The following NLGN1 variants were observed in gnomAD, a reference collection of about 807,000 sequenced individuals.
NLGN1 encodes the protein neuroligin-1.
A neutral mutation model predicts 65.5 loss-of-function variants in NLGN1; 12 were observed. The ratio of observed to expected loss-of-function variants is 0.18; its 90% CI spans 0.12 to 0.30. The LOEUF (loss-of-function observed/expected upper bound fraction) is 0.30. Ranked by LOEUF, NLGN1 falls within the 10% of genes least tolerant of loss-of-function variation. The pLI, the probability that NLGN1 is intolerant of heterozygous loss-of-function variation, is 1.00. For missense variants in NLGN1, 750 were observed against 1,007.1 expected (o/e 0.74, Z 3.46); for synonymous variants, 350 against 359.5 (o/e 0.97, Z 0.30).
intron 3 of NLGN1, among the ~76,000 whole-genome samples, chr3:173,787,153 C>T (rs1401521626): frequency 2.6e-5 from 4 of 151,888 alleles, no homozygotes; most frequent in African/African-American, 7.3e-5. Context: ...AATTCACCAT[C>T]GAGTACTCAA....
rs9858029 is a variant in NLGN1 at position 173,501,558 on chromosome 3, G to T, written c.-321+66480G>T. ...GTAGTTCTGTTTACTACATACCATT[G>T]ATGTTACTATTGTTGTTAGCGATAT... On this transcript the variant is annotated intron_variant, in intron 2 of 6. Transcript: ENST00000457714. Among the ~76,000 whole-genome samples, 1,368 of 151,820 alleles carry T rather than the reference G, an allele frequency of 9.0e-3. 24 individuals carry two copies. Among genetic ancestry groups the T allele is most frequent in the African/African-American group, 0.032 (1,318 of 41,394 alleles).
At chr3:173,484,025 A>T (rs1376434766) in intron 2 of NLGN1, among the ~76,000 whole-genome samples, 1 of 152,162 alleles carries the variant, frequency 6.6e-6, no homozygotes, top group Non-Finnish European at 1.5e-5. Flanking sequence ...AGATTCAAAC[A>T]TCTTGTCGTA....
intron 4 of NLGN1, among the ~76,000 whole-genome samples, chr3:174,209,752 C>T (rs13065839): frequency 0.63 from 94,903 of 150,346 alleles, 30,999 homozygotes; most frequent in East Asian, 0.77. Flanking sequence ...CCTGCCTCAG[C>T]CTCCCGAGTA....
chr3:173,892,625 T>A (rs1735570620), intron 4 of NLGN1, among the ~76,000 whole-genome samples: 1 of 151,680 alleles, frequency 6.6e-6, no homozygotes, highest in Non-Finnish European at 1.5e-5. Flanking sequence ...AGAGATTATA[T>A]TAAACTAACA....
At chr3:174,193,485 C>T (rs1399689781) in intron 4 of NLGN1, among the ~76,000 whole-genome samples, 2 of 152,114 alleles carry the variant, frequency 1.3e-5, no homozygotes, top group Non-Finnish European at 2.9e-5. Context: ...TGCGAGGTTT[C>T]AAGGAGTATC....
At chr3:173,854,056 ACT>A (rs1252281484) in intron 4 of NLGN1, among the ~76,000 whole-genome samples, 2 of 151,970 alleles carry the variant, frequency 1.3e-5, no homozygotes, top group Non-Finnish European at 2.9e-5. Context: ...TCGTAACTAA[ACT>A]CTTAAAATTC....
chr3:174,271,805 A>G (rs994395202), intron 4 of NLGN1, among the ~76,000 whole-genome samples: 2 of 151,744 alleles, frequency 1.3e-5, no homozygotes, highest in African/African-American at 4.8e-5. Context: ...AAATAGGTGA[A>G]TGACAATTGT....
chr3:173,868,100 C>T (rs964792818), intron 4 of NLGN1, among the ~76,000 whole-genome samples: 2 of 152,144 alleles, frequency 1.3e-5, no homozygotes, highest in Non-Finnish European at 2.9e-5. Context: ...CAATTTATAT[C>T]TATGGCTTTC....
intron 4 of NLGN1, among the ~76,000 whole-genome samples, chr3:174,135,586 A>T (rs1216878684): frequency 6.6e-6 from 1 of 152,176 alleles, no homozygotes; most frequent in African/African-American, 2.4e-5. Flanking sequence ...TTTGACTTTT[A>T]AAAGAATATT....
chr3:173,719,564 A>C (rs78369825), intron 3 of NLGN1, among the ~76,000 whole-genome samples: 1 of 151,936 alleles, frequency 6.6e-6, no homozygotes, highest in East Asian at 1.9e-4. Context: ...GTCGTGTTGC[A>C]TAGTGGAATT....
chr3:173,757,484 A>G (rs531752782), intron 3 of NLGN1, among the ~76,000 whole-genome samples: 142 of 152,154 alleles, frequency 9.3e-4, no homozygotes, highest in Non-Finnish European at 1.4e-3. Context: ...TAATTAAACT[A>G]TGTAAAAAAA....
chr3:173,560,091 C>A (rs1209130810), intron 2 of NLGN1, among the ~76,000 whole-genome samples: 2 of 151,986 alleles, frequency 1.3e-5, no homozygotes, highest in Admixed American at 6.6e-5. Context: ...CTACAGGCGC[C>A]TGCCACCACG....
chr3:173,880,648 G>A (rs940442142), intron 4 of NLGN1, among the ~76,000 whole-genome samples: 6 of 152,076 alleles, frequency 3.9e-5, no homozygotes, highest in African/African-American at 1.4e-4. Context: ...TGAGAGACTT[G>A]TAAACTTTTT....
chr3:174,168,418 T>G (rs2152729997), intron 4 of NLGN1, among the ~76,000 whole-genome samples: 1 of 152,250 alleles, frequency 6.6e-6, no homozygotes, highest in East Asian at 1.9e-4. Flanking sequence ...TAATTATTAT[T>G]TTTCTTTCTC....
chr3:173,940,080 CTTTTTTTTTTT>C (rs531013909), intron 4 of NLGN1, among the ~76,000 whole-genome samples: 2 of 75,404 alleles, frequency 2.7e-5, no homozygotes, highest in African/African-American at 1.2e-4. Context: ...ATAGTTATAG[CTTTTTTTTTTT>C]TTTTTTTTTT....
At chr3:174,173,219 A>G (rs1728864511) in intron 4 of NLGN1, among the ~76,000 whole-genome samples, 1 of 152,052 alleles carries the variant, frequency 6.6e-6, no homozygotes, top group African/African-American at 2.4e-5. Flanking sequence ...GTGGAGTCTT[A>G]GGTTTTTTCA....
intron 4 of NLGN1, among the ~76,000 whole-genome samples, chr3:174,153,818 C>T (rs939179881): frequency 6.6e-6 from 1 of 152,050 alleles, no homozygotes; most frequent in Admixed American, 6.6e-5. Flanking sequence ...CATAATGAGA[C>T]CTTGTCTCTA....
chr3:174,089,341 G>A (rs1041973255), intron 4 of NLGN1, among the ~76,000 whole-genome samples: 2 of 152,000 alleles, frequency 1.3e-5, no homozygotes, highest in African/African-American at 2.4e-5. Context: ...TGGTTCTTCC[G>A]CTAGCCTGTT....
chr3:174,095,728 A>G (rs1448243798), intron 4 of NLGN1, among the ~76,000 whole-genome samples: 5 of 152,054 alleles, frequency 3.3e-5, no homozygotes, highest in African/African-American at 1.2e-4. Flanking sequence ...GGCTGGGCAC[A>G]GTGACTCACA....
Sources: allele counts gnomAD v4.1 joint callset (sites outside exome capture counted in the v4.1 genomes callset), GRCh38; gene constraint gnomAD v4.1.1; transcripts MANE v1.5; gene names NCBI Gene and HGNC (gene_info 2026-07-23, HGNC 2026-07-21).